MED23: variants seen among roughly 807,000 people sequenced by gnomAD.
The protein encoded by MED23 is mediator complex subunit 23.
A neutral mutation model predicts 163.9 loss-of-function variants in MED23; 105 were observed. The observed-to-expected ratio is 0.64, with a 90% CI of 0.55 to 0.75. MED23 has a LOEUF of 0.75. Ranked by LOEUF, MED23 falls within the 30% of genes least tolerant of loss-of-function variation. The pLI, the probability that MED23 is intolerant of heterozygous loss-of-function variation, is 0.00. For synonymous variants in MED23, 561 were observed against 565.6 expected, an observed-to-expected ratio of 0.99 and a Z score of 0.12; for missense variants, 1,054 against 1,649.0, an observed-to-expected ratio of 0.64 and a Z score of 6.25.
intron 30 of MED23, chr6:131,579,243 A>AG: frequency 6.2e-7 from 1 of 1,614,126 alleles, no homozygotes; most frequent in Non-Finnish European, 8.5e-7. Context: ...GCAGAAGTCA[A>AG]GAAGAACGGA....
At chr6:131,615,010 T>G (rs1354165287) in intron 10 of MED23, among the ~76,000 whole-genome samples, 1 of 76,300 alleles carries the variant, frequency 1.3e-5, no homozygotes, top group Non-Finnish European at 2.5e-5. Flanking sequence ...GAAGGAAAAA[T>G]AAACCATCAA....
Position 131,618,532 on chromosome 6 carries a change from C to T in MED23, c.668-13G>A, listed in dbSNP as rs1450773579. On this transcript the variant is annotated splice_polypyrimidine_tract_variant and intron_variant, in intron 8 of 28. Coordinates refer to ENST00000368068, the MANE Select transcript of MED23 (RefSeq NM_004830.4). ...AGACTACAGCGACCTGTATGTATTA[C>T]AAAAATGTTTTTAAGTAAATGTGAA... The T allele has an allele frequency of 1.3e-6, 2 of 1,579,194 alleles. No homozygotes were observed. The highest frequency in any genetic ancestry group is 2.7e-5 in the African/African-American group (2 of 74,092).
At position 131,627,471 on chromosome 6, in the gene MED23, A is replaced by G. The variant is rs1381263322; in HGVS notation, c.84T>C (p.Asp28=). The change falls in exon 3 of 29, where the codon GAT becomes GAC. Residue 28 remains aspartate (D), a synonymous_variant. Transcript: ENST00000368068. The stretch of plus-strand genomic sequence containing the variant: ...GTTTTGTTTTCTCATCTTCAGGAGT[A>G]TCCATAAACATGCTAAAAAAATAAA... ...IEEAFPGMFM[D]TPEDEKTKLI... is the part of the protein sequence containing the mutation. 6.2e-7 allele frequency: 1 copy of G among 1,613,352 alleles called. No individual in the cohort carries two copies. The highest frequency in any genetic ancestry group is 1.3e-5 in the African/African-American group (1 of 74,918).
At position 131,624,987 on chromosome 6, in the gene MED23, C is replaced by A; in HGVS notation, c.162G>T (p.Glu54Asp). ...TCCACTGGATACACTGTTCATGAGA[C>A]TCCTGGAAAATGAGAGAATGATTTT... is the stretch of plus-strand genomic sequence containing the variant. Reference protein sequence around the residue: ...FRQFWGGLSQESHEQCIQWIV... With the variant: ...FRQFWGGLSQDSHEQCIQWIV... The change falls in exon 4 of 29, where the codon GAG becomes GAT. Residue 54 changes from glutamate to aspartate, a missense_variant and splice_region_variant. Around this residue, in one of 11 missense-constraint regions of MED23, gnomAD observed 227 missense variants for 235.5 expected, o/e 0.96. Coordinates refer to ENST00000368068, the MANE Select transcript of MED23 (RefSeq NM_004830.4). The A allele has an allele frequency of 6.2e-7, 1 of 1,613,502 alleles. No homozygotes were observed. Among genetic ancestry groups the A allele is most frequent in the Non-Finnish European group, 8.5e-7 (1 of 1,179,904 alleles).
downstream of MED23, among the ~76,000 whole-genome samples, chr6:131,581,855 G>A (rs1427762522): frequency 3.3e-5 from 5 of 152,156 alleles, no homozygotes; most frequent in Non-Finnish European, 7.3e-5. Context: ...ATGAACTAAT[G>A]TATTTACTGG....
rs1048140238 is a variant in MED23, at chr6:131,609,931, G to A, written c.1077+115C>T. The A allele has an allele frequency of 1.6e-5, 16 of 992,498 alleles. No homozygotes were observed. The African/African-American group carries it at 1.9e-4, about 12-fold the overall frequency. The allele number at this position is 992,498 out of a possible 1,614,324, so 61.5% of individuals were successfully genotyped here. On this transcript the variant is annotated intron_variant, in intron 11 of 28. Coordinates refer to ENST00000368068, the MANE Select transcript of MED23 (RefSeq NM_004830.4). ...AACTATAAAAGCACTAAACAGGACA[G>A]AAATTAGGGCTCAGAACTTCTGTCA...
downstream of MED23, among the ~76,000 whole-genome samples, chr6:131,585,248 CA>C (rs1212078805): frequency 6.6e-6 from 1 of 152,030 alleles, no homozygotes; most frequent in African/African-American, 2.4e-5. Flanking sequence ...AAACGGTAAT[CA>C]AAACAAGGGA....
intron 30 of MED23, among the ~76,000 whole-genome samples, chr6:131,580,041 A>G (rs145735519): frequency 1.3e-5 from 2 of 152,202 alleles, no homozygotes; most frequent in South Asian, 2.1e-4. Context: ...AGGTTGCATT[A>G]TAATTTTCAC....
In MED23 at chr6:131,598,105, A is replaced by C. The variant is rs1775204797; in HGVS notation, c.2607+182T>G. The C allele has an allele frequency of 8.6e-6, 6 of 699,112 alleles. No individual in the cohort carries two copies. Among genetic ancestry groups the C allele is most frequent in the Middle Eastern group, 4.0e-4 (1 of 2,472 alleles). The allele number at this position is 699,112 out of a possible 1,614,324, so 43.3% of individuals were successfully genotyped here. On this transcript the variant is annotated intron_variant, in intron 20 of 28. Coordinates refer to ENST00000368068, the MANE Select transcript of MED23 (RefSeq NM_004830.4). The surrounding 1 kb of genome is among the most constrained non-coding windows in gnomAD (Gnocchi z 4.7). ...ACCCTGTCTCAAAAAACAAACAAAA[A>C]AACAAAAACAAACAAAAACAGAAAT...
chr6:131,582,354 C>T (rs559209264), downstream of MED23, among the ~76,000 whole-genome samples: 30 of 152,212 alleles, frequency 2.0e-4, no homozygotes, highest in Admixed American at 1.4e-3. Flanking sequence ...GGAGCACAAT[C>T]GTTTCTTTAT....
chr6:131,628,211 C>T lies in MED23; in HGVS notation c.-162G>A, dbSNP rs1777666644. ...TTTACCTGGAGCGTTCCCTCCCGAG[C>T]CCAGCCAACAGCAGGAACCTGTACG... is the stretch of plus-strand genomic sequence containing the variant. On this transcript the variant is annotated 5_prime_UTR_variant, in exon 1 of 29. Transcript: ENST00000368068. The T allele has an allele frequency of 1.3e-6, 1 of 782,312 alleles. No homozygotes were observed. The highest frequency in any genetic ancestry group is 1.5e-5 in the South Asian group (1 of 68,068). The allele number at this position is 782,312 out of a possible 1,614,324, so 48.5% of individuals were successfully genotyped here.
In MED23 at chr6:131,607,986, G is replaced by C; in HGVS notation, c.1163C>G (p.Ala388Gly). Residue 388 changes from alanine to glycine, a missense_variant, in exon 12 of 29, where the codon GCA (alanine) becomes GGA (glycine). Physicochemically the swap from Ala to Gly is moderately conservative, Grantham distance 60. This residue lies in a region of MED23 where 61 missense variants were observed against 154.2 expected (regional missense o/e 0.40). Coordinates refer to ENST00000368068, the MANE Select transcript of MED23 (RefSeq NM_004830.4). Reference protein sequence around the residue: ...QFISGSIQKNALADFLPVMKL... With the variant: ...QFISGSIQKNGLADFLPVMKL... ...CATCACAGGGAGAAAATCAGCTAGT[G>C]CATTTTTCTGAATACTTCCAGAAAT... 3.1e-6 allele frequency: 5 copies of C among 1,613,838 alleles called. No homozygotes were observed. The highest frequency in any genetic ancestry group is 4.2e-6 in the Non-Finnish European group (5 of 1,179,856).
At chr6:131,577,174 A>T (rs1174744855) in intron 30 of MED23, among the ~76,000 whole-genome samples, 1 of 152,258 alleles carries the variant, frequency 6.6e-6, no homozygotes, top group Non-Finnish European at 1.5e-5. Context: ...ATACATATAC[A>T]TAAGCATGCA....
Position 131,617,920 on chromosome 6 carries a change from T to G in MED23, c.780+487A>C, listed in dbSNP as rs146193788. Among the ~76,000 whole-genome samples, 613 of 152,340 alleles carry G rather than the reference T, an allele frequency of 4.0e-3. 2 individuals carry two copies. Among genetic ancestry groups the G allele is most frequent in the South Asian group, 0.016 (78 of 4,834 alleles). On this transcript the variant is annotated intron_variant, in intron 9 of 28. Transcript: ENST00000368068. ...TAGTCACATTAGTCTTAAGTATCATTGTAAGGAAGTAATTTTCTGCTCGGA... is the reference window on the plus strand; with the variant it reads ...TAGTCACATTAGTCTTAAGTATCATGGTAAGGAAGTAATTTTCTGCTCGGA...
intron 4 of MED23, among the ~76,000 whole-genome samples, chr6:131,624,193 G>A (rs1272518177): frequency 6.6e-6 from 1 of 152,152 alleles, no homozygotes; most frequent in African/African-American, 2.4e-5. Flanking sequence ...GGAGAGGTAG[G>A]GGGAAAGTCT....
At chr6:131,579,505 G>T (rs892750885) in intron 30 of MED23, 1 of 428,398 alleles carries the variant, frequency 2.3e-6, no homozygotes, top group Non-Finnish European at 4.2e-6. Flanking sequence ...TAGTACAGCA[G>T]AAAATGTATG....
rs1775864885 is a variant in MED23 at position 131,606,486 on chromosome 6, G to A, written c.1360C>T (p.His454Tyr). The change falls in exon 13 of 29, where the codon CAC (histidine) becomes TAC (tyrosine). Residue 454 changes from histidine (H) to tyrosine (Y), a missense_variant. By Grantham distance (83) the His-to-Tyr change is moderately conservative. This residue lies in a region of MED23 where 39 missense variants were observed against 50.5 expected (regional missense o/e 0.77). Coordinates refer to ENST00000368068, the MANE Select transcript of MED23 (RefSeq NM_004830.4). ...AAGCAACAAATAACTTACTCATGGT[G>A]AAGTCTTAGGGAATGAGGTATTGGA... ...QIPIPHSLRLHHEFLQQSLRN... is the reference protein window; with the variant it reads ...QIPIPHSLRLYHEFLQQSLRN... 1.2e-6 allele frequency: 2 copies of A among 1,613,190 alleles called. No individual in the cohort carries two copies. The highest frequency in any genetic ancestry group is 1.7e-6 in the Non-Finnish European group (2 of 1,179,464).
At chr6:131,588,742 C>G (rs1774358547) in intron 28 of MED23, among the ~76,000 whole-genome samples, 1 of 152,066 alleles carries the variant, frequency 6.6e-6, no homozygotes, top group Admixed American at 6.5e-5. Flanking sequence ...TTTAAAATGG[C>G]CCAGATTCTG....
At chr6:131,620,967 TA>T (rs1439166286) in intron 6 of MED23, among the ~76,000 whole-genome samples, 2 of 152,144 alleles carry the variant, frequency 1.3e-5, no homozygotes, top group Non-Finnish European at 2.9e-5. Context: ...CAGGCCCGGC[TA>T]ACTTTTTAAT....
Sources: gnomAD v4.1 joint callset for allele counts (sites outside exome capture counted in the v4.1 genomes callset) on GRCh38, gnomAD v4.1.1 for gene constraint, gnomAD v4.1.1 regional missense constraint, Gnocchi (gnomAD v3.1) non-coding constraint, MANE v1.5 for transcripts, NCBI Gene and HGNC (gene_info 2026-07-23, HGNC 2026-07-21) for gene names.